ANO10: variants seen among roughly 807,000 people sequenced by gnomAD.
ANO10 encodes the protein anoctamin 10.
Under a neutral mutation model 74.7 loss-of-function variants are expected in ANO10, and 77 were observed. The ratio of observed to expected loss-of-function variants is 1.03; its 90% CI spans 0.86 to 1.25. The LOEUF (loss-of-function observed/expected upper bound fraction) is 1.25, where lower values mean the gene tolerates loss of function less well. ANO10 is among the 50% of genes most tolerant of loss of function. The pLI, the probability that ANO10 is intolerant of heterozygous loss-of-function variation, is 0.00. For synonymous variants in ANO10, 279 were observed against 284.9 expected (o/e 0.98, Z 0.21); for missense variants, 721 against 778.1 (o/e 0.93, Z 0.87).
intron 1 of ANO10, among the ~76,000 whole-genome samples, chr3:43,661,041 G>C (rs1007632331): frequency 6.6e-6 from 1 of 152,124 alleles, no homozygotes; most frequent in African/African-American, 2.4e-5. Flanking sequence ...TCAAATTCAG[G>C]ATATACAGAG....
chr3:43,381,810 C>CGTAT (rs1238350451), intron 12 of ANO10, among the ~76,000 whole-genome samples: 1 of 152,170 alleles, frequency 6.6e-6, no homozygotes, highest in African/African-American at 2.4e-5. Flanking sequence ...ATAGACCATA[C>CGTAT]AACGGGCCAC....
chr3:43,549,824 T>TA lies in ANO10; in HGVS notation c.1692dup (p.Ile565TyrfsTer6). 6.2e-7 allele frequency: 1 copy of TA among 1,614,012 alleles called. No individual in the cohort carries two copies. The highest frequency in any genetic ancestry group is 1.3e-5 in the African/African-American group (1 of 75,044). On this transcript the variant is annotated frameshift_variant, in exon 11 of 13. Transcript: ENST00000292246. LOFTEE classifies it high-confidence loss of function. ...AGCGCACAGTTAGTGACCACAGATA[T>TA]AACACTCATCGTTTCAAAAGCCAAC...
chr3:43,406,609 G>A (rs144534658), intron 12 of ANO10, among the ~76,000 whole-genome samples: 14 of 152,268 alleles, frequency 9.2e-5, no homozygotes, highest in African/African-American at 3.4e-4. Flanking sequence ...ACATGCCACC[G>A]ATTCATGACA....
chr3:43,578,863 C>T (rs72865091), intron 5 of ANO10, among the ~76,000 whole-genome samples: 13,542 of 140,122 alleles, frequency 0.097, 921 homozygotes, highest in African/African-American at 0.2. Flanking sequence ...CAAAGTTAAA[C>T]AGTTGTTAAG....
intron 12 of ANO10, among the ~76,000 whole-genome samples, chr3:43,417,332 T>C (rs1232427853): frequency 6.6e-6 from 1 of 152,174 alleles, no homozygotes; most frequent in Admixed American, 6.5e-5. Context: ...AAGGGGAAAG[T>C]TTATTTGCAT....
chr3:43,593,366 C>T (rs1281134327), intron 4 of ANO10, among the ~76,000 whole-genome samples: 13 of 152,178 alleles, frequency 8.5e-5, no homozygotes, highest in Non-Finnish European at 1.0e-4. Context: ...AGAGAAAGGT[C>T]GGGTTACCCA....
rs535083206 is a variant in ANO10 at position 43,482,958 on chromosome 3, T to C, written c.1798-50231A>G. On this transcript the variant is annotated intron_variant, in intron 11 of 12. Transcript: ENST00000292246. ...AGGGCCAATCTCCAGGAGAAACTCA[T>C]AATGGGTAGGCAATCCATGAAAAAG... Among the ~76,000 whole-genome samples, 30 of 152,220 alleles carry C rather than the reference T, an allele frequency of 2.0e-4. No individual in the cohort carries two copies. The South Asian group carries it at 5.8e-3, about 29-fold the overall frequency.
intron 11 of ANO10, among the ~76,000 whole-genome samples, chr3:43,538,525 T>TTA (rs2078816060): frequency 1.3e-5 from 2 of 152,230 alleles, no homozygotes; most frequent in South Asian, 4.2e-4. Flanking sequence ...TAACAACAAT[T>TTA]ACTATGGCAG....
At position 43,664,948 on chromosome 3, in the gene ANO10, A is replaced by G. The variant is rs374369521; in HGVS notation, c.-12+26569T>C. Among the ~76,000 whole-genome samples, 64 of 152,332 alleles carry G rather than the reference A, an allele frequency of 4.2e-4. 1 individual carries two copies. The highest frequency in any genetic ancestry group is 1.5e-3 in the African/African-American group (62 of 41,560). ...GTTGGGAGTGTAAATTAGTTCAACC[A>G]TTGTGGAAGACAGTGTGGCAATTCC... is the stretch of plus-strand genomic sequence containing the variant. On this transcript the variant is annotated intron_variant, in intron 1 of 3. Coordinates refer to the ANO10 transcript ENST00000413397.
intron 11 of ANO10, among the ~76,000 whole-genome samples, chr3:43,474,628 T>G (rs1459512559): frequency 2.0e-5 from 3 of 152,212 alleles, no homozygotes; most frequent in Non-Finnish European, 4.4e-5. Context: ...AATGTATAAA[T>G]AAGTCAAATG....
intron 11 of ANO10, among the ~76,000 whole-genome samples, chr3:43,464,550 C>T (rs1384701407): frequency 6.6e-6 from 1 of 152,038 alleles, no homozygotes; most frequent in Non-Finnish European, 1.5e-5. Context: ...CATGTTGGCA[C>T]ATGCCTATAG....
chr3:43,386,986 C>G (rs1575627979), intron 12 of ANO10, among the ~76,000 whole-genome samples: 1 of 152,134 alleles, frequency 6.6e-6, no homozygotes, highest in African/African-American at 2.4e-5. Context: ...CTTCACTGGA[C>G]TCTAGGAACC....
chr3:43,620,723 C>T (rs1029283390), intron 1 of ANO10, among the ~76,000 whole-genome samples: 1 of 152,140 alleles, frequency 6.6e-6, no homozygotes, highest in African/African-American at 2.4e-5. Context: ...AGACATTGTG[C>T]CACTGCACTC....
At chr3:43,665,093 C>A (rs1222432785) in intron 1 of ANO10, among the ~76,000 whole-genome samples, 1 of 152,090 alleles carries the variant, frequency 6.6e-6, no homozygotes, top group Non-Finnish European at 1.5e-5. Flanking sequence ...TACTGTGGCA[C>A]TATTAACAAT....
intron 11 of ANO10, among the ~76,000 whole-genome samples, chr3:43,504,343 G>GATAGATAGATAGATAA (rs1553692183): frequency 6.7e-6 from 1 of 149,542 alleles, no homozygotes; most frequent in Non-Finnish European, 1.5e-5. Context: ...TAGATAGATA[G>GATAGATAGATAGATAA]ATAAAAATAA....
intron 1 of ANO10, among the ~76,000 whole-genome samples, chr3:43,684,949 G>A (rs1408001760): frequency 6.6e-6 from 1 of 152,174 alleles, no homozygotes. Flanking sequence ...GGGGCATGGG[G>A]AGGGATAGCA....
intron 1 of ANO10, among the ~76,000 whole-genome samples, chr3:43,642,300 G>A (rs1239740435): frequency 6.6e-6 from 1 of 152,094 alleles, no homozygotes; most frequent in African/African-American, 2.4e-5. Flanking sequence ...ATAATATAGT[G>A]TTTCTTTCCT....
Position 43,576,805 on chromosome 3 carries a change from C to T in ANO10, c.1049G>A (p.Ser350Asn), listed in dbSNP as rs746449970. The change falls in exon 6 of 13, where the codon AGC (serine) becomes AAC (asparagine). Residue 350 changes from serine (S) to asparagine (N), a missense_variant. Coordinates refer to ENST00000292246, the MANE Select transcript of ANO10 (RefSeq NM_018075.5). The stretch of plus-strand genomic sequence containing the variant: ...CAGGACACTGGTCCACTCAGACCCG[C>T]TGTTCTCATGTAGACCCAAGGCCCA... The part of the protein sequence containing the change: ...EVWALGLHEN[S>N]GSEWTSVLLY... 6.2e-7 allele frequency: 1 copy of T among 1,614,160 alleles called. No individual in the cohort carries two copies. Among genetic ancestry groups the T allele is most frequent in the Admixed American group, 1.7e-5 (1 of 60,006 alleles).
At chr3:43,372,756 C>T (rs1220530107) in intron 12 of ANO10, 29 of 1,247,528 alleles carry the variant, frequency 2.3e-5, no homozygotes, top group Non-Finnish European at 3.2e-5. Flanking sequence ...AGAGCAGGGC[C>T]ATGACTAGAC....
Sources: gnomAD v4.1 joint callset for allele counts (sites outside exome capture counted in the v4.1 genomes callset) on GRCh38, gnomAD v4.1.1 for gene constraint, MANE v1.5 for transcripts, NCBI Gene and HGNC (gene_info 2026-07-23, HGNC 2026-07-21) for gene names.